ARID2: variants seen among roughly 807,000 people sequenced by gnomAD.
ARID2 encodes the protein AT-rich interaction domain 2, also known as AT-rich interactive domain-containing protein 2.
In ARID2, 32 loss-of-function variants were observed where a neutral mutation model predicts 184.6. That is an observed-to-expected ratio of 0.17 (90% CI 0.13 to 0.23). ARID2 has a LOEUF of 0.23. ARID2 is among the 10% of genes least tolerant of loss of function. ARID2 has a pLI of 1.00. For synonymous variants in ARID2, 836 were observed against 772.6 expected (o/e 1.08, Z -1.36); for missense variants, 1,696 against 2,197.6 (o/e 0.77, Z 4.56).
chr12:45,785,042 G>A (rs1197866074), intron 3 of ARID2, among the ~76,000 whole-genome samples: 3 of 152,156 alleles, frequency 2.0e-5, no homozygotes, highest in African/African-American at 7.2e-5. Flanking sequence ...ATCTGTATTA[G>A]ACATAAGAAA....
chr12:45,836,547 G>A, intron 6 of ARID2, 42 bp from the exon 7 acceptor site: 1 of 1,557,554 alleles, frequency 6.4e-7, no homozygotes, highest in Non-Finnish European at 8.7e-7. Context: ...CAATAGAATA[G>A]TTGTTTCAAA....
At chr12:45,845,858 A>G (rs1261039706) in intron 11 of ARID2, 2 of 152,220 alleles carry the variant, frequency 1.3e-5, no homozygotes, top group African/African-American at 4.8e-5. Flanking sequence ...CGTGTCACAT[A>G]GCAAGTTTTC....
At chr12:45,772,110 A>G (rs1357512551) in intron 3 of ARID2, among the ~76,000 whole-genome samples, 3 of 152,192 alleles carry the variant, frequency 2.0e-5, no homozygotes, top group Non-Finnish European at 4.4e-5. Context: ...TAGAGCAAAC[A>G]TGAAGGAAAA....
chr12:45,742,169 A>T (rs1054889051), intron 3 of ARID2, among the ~76,000 whole-genome samples: 6 of 152,220 alleles, frequency 3.9e-5, no homozygotes, highest in African/African-American at 1.4e-4. Flanking sequence ...CTGAAGATGT[A>T]TTGTTAAAAG....
intron 3 of ARID2, among the ~76,000 whole-genome samples, chr12:45,795,083 T>C (rs563157610): frequency 6.6e-6 from 1 of 151,948 alleles, no homozygotes; most frequent in Non-Finnish European, 1.5e-5. Flanking sequence ...CATGGAAGAG[T>C]TCTTAGATTA....
At chr12:45,820,579 T>C (rs1389825569) in intron 5 of ARID2, among the ~76,000 whole-genome samples, 3 of 152,206 alleles carry the variant, frequency 2.0e-5, no homozygotes, top group Non-Finnish European at 4.4e-5. Context: ...AATTTTCTTT[T>C]GGTTTCTAAA....
intron 3 of ARID2, among the ~76,000 whole-genome samples, chr12:45,803,708 A>G (rs904206263): frequency 8.5e-5 from 13 of 152,188 alleles, no homozygotes; most frequent in African/African-American, 2.9e-4. Flanking sequence ...CAATAGGTTC[A>G]GGTGAGAAGC....
In ARID2 at chr12:45,850,763, T is replaced by C. The variant is rs1189648351; in HGVS notation, c.2640T>C (p.Ile880=). ...TAGCTACAGGACAAATGGTTACTAT[T>C]GCTGGTGTCCCAAGTCCACAAGCCT... The part of the protein sequence containing the change: ...FQVATGQMVT[I]AGVPSPQASR... The change falls in exon 15 of 21, where the codon ATT becomes ATC. Residue 880 remains isoleucine (I), a synonymous_variant. Transcript: ENST00000334344. The C allele has an allele frequency of 6.2e-7, 1 of 1,614,004 alleles. No homozygotes were observed. The highest frequency in any genetic ancestry group is 1.3e-5 in the African/African-American group (1 of 74,898).
chr12:45,764,799 A>G (rs890815375), intron 3 of ARID2, among the ~76,000 whole-genome samples: 16 of 152,358 alleles, frequency 1.1e-4, no homozygotes, highest in Middle Eastern at 3.4e-3. Flanking sequence ...TTTGGTGATT[A>G]AAAACACTAT....
At chr12:45,847,253 C>G (rs906817366) in intron 12 of ARID2, among the ~76,000 whole-genome samples, 2 of 151,978 alleles carry the variant, frequency 1.3e-5, no homozygotes, top group Non-Finnish European at 2.9e-5. Flanking sequence ...TACAGTTTGT[C>G]AGGTTACAAA....
At chr12:45,861,556 G>A (rs1943747963) in intron 16 of ARID2, among the ~76,000 whole-genome samples, 1 of 149,096 alleles carries the variant, frequency 6.7e-6, no homozygotes, top group Non-Finnish European at 1.5e-5. Context: ...CATTTTTTTA[G>A]AGGTCTAGGA....
At chr12:45,830,014 G>A (rs1246376947) in intron 6 of ARID2, among the ~76,000 whole-genome samples, 2 of 147,518 alleles carry the variant, frequency 1.4e-5, no homozygotes, top group Non-Finnish European at 3.0e-5. Flanking sequence ...TCTTTTTTAT[G>A]TTTTTAATAA....
At position 45,850,390 on chromosome 12, in the gene ARID2, T is replaced by C. The variant is rs142897831; in HGVS notation, c.2267T>C (p.Val756Ala). Reference protein sequence around the residue: ...NHSTGPQPVTVVNSQTLLHHP... With the variant: ...NHSTGPQPVTAVNSQTLLHHP... The stretch of plus-strand genomic sequence containing the variant: ...AGTACAGGGCCACAACCTGTTACAG[T>C]TGTGAATTCTCAGACATTGCTTCAC... The change falls in exon 15 of 21, where the codon GTT (valine) becomes GCT (alanine). Residue 756 changes from valine (V) to alanine (A), a missense_variant. By Grantham distance (64) the Val-to-Ala change is moderately conservative. Coordinates refer to ENST00000334344, the MANE Select transcript of ARID2 (RefSeq NM_152641.4). 1.1e-5 allele frequency: 18 copies of C among 1,613,984 alleles called. No individual in the cohort carries two copies. In the African/African-American group the frequency reaches 1.9e-4, roughly 17 times the overall value.
intron 15 of ARID2, among the ~76,000 whole-genome samples, chr12:45,857,396 T>C (rs1943668824): frequency 6.6e-6 from 1 of 152,210 alleles, no homozygotes; most frequent in Middle Eastern, 3.2e-3. Flanking sequence ...ATATCACTTT[T>C]GTTTTTCTAA....
intron 3 of ARID2, among the ~76,000 whole-genome samples, chr12:45,810,899 T>A (rs1457789490): frequency 6.6e-6 from 1 of 152,184 alleles, no homozygotes; most frequent in Non-Finnish European, 1.5e-5. Context: ...TCTGAAAATA[T>A]AAAAATACTT....
chr12:45,765,514 G>GTT (rs561418730), intron 3 of ARID2, among the ~76,000 whole-genome samples: 7 of 140,642 alleles, frequency 5.0e-5, no homozygotes, highest in Admixed American at 2.1e-4. Flanking sequence ...CCTGGCCTCG[G>GTT]TTTTTTTTTT....
rs763149851 is a variant in ARID2 at position 45,791,798 on chromosome 12, C to T, written c.285-19620C>T. On this transcript the variant is annotated intron_variant, in intron 3 of 20. Transcript: ENST00000334344. Reference sequence around the variant, plus strand: ...TATTTCTCAACTATCTGATATAATTCCCACCAGCAAGAAAGTTGTCTGCAA... The same window carrying T: ...TATTTCTCAACTATCTGATATAATTTCCACCAGCAAGAAAGTTGTCTGCAA... Among the ~76,000 whole-genome samples, 152 of 152,222 alleles carry T rather than the reference C, an allele frequency of 1.0e-3. 1 individual carries two copies. Among genetic ancestry groups the T allele is most frequent in the Non-Finnish European group, 1.5e-3 (101 of 68,012 alleles).
intron 16 of ARID2, among the ~76,000 whole-genome samples, chr12:45,871,687 A>G (rs1482083698): frequency 6.6e-6 from 1 of 152,150 alleles, no homozygotes; most frequent in East Asian, 1.9e-4. Flanking sequence ...GAGAATTTAT[A>G]TCATTCCTTC....
intron 6 of ARID2, among the ~76,000 whole-genome samples, chr12:45,825,346 G>C (rs1388398190): frequency 1.3e-5 from 2 of 151,956 alleles, no homozygotes; most frequent in Non-Finnish European, 2.9e-5. Flanking sequence ...AAATATCACA[G>C]GTACCCCATA....
Sources: gnomAD v4.1 joint callset for allele counts (sites outside exome capture counted in the v4.1 genomes callset) on GRCh38, gnomAD v4.1.1 for gene constraint, MANE v1.5 for transcripts, NCBI Gene and HGNC (gene_info 2026-07-23, HGNC 2026-07-21) for gene names.